Variants in PTCD2 observed in about 807,000 individuals in gnomAD.
PTCD2 encodes pentatricopeptide repeat domain 2, also known as pentatricopeptide repeat-containing protein 2, mitochondrial.
Under a neutral mutation model 42.6 loss-of-function variants are expected in PTCD2, and 31 were observed. The observed-to-expected ratio is 0.73, with a 90% CI of 0.55 to 0.98. The LOEUF (loss-of-function observed/expected upper bound fraction) is 0.98. Ranked by LOEUF, PTCD2 falls within the 50% of genes least tolerant of loss-of-function variation. PTCD2 has a pLI of 0.00. For synonymous variants in PTCD2, 183 were observed against 170.9 expected, an observed-to-expected ratio of 1.07 and a Z score of -0.55; for missense variants, 476 against 454.8, an observed-to-expected ratio of 1.05 and a Z score of -0.42.
rs201569667 is a variant in PTCD2, at chr5:72,367,949, C to G, written c.*9522C>G. 2 of 152,218 alleles carry G rather than the reference C, an allele frequency of 1.3e-5. No individual in the cohort carries two copies. The highest frequency in any genetic ancestry group is 3.8e-4 in the East Asian group (2 of 5,196). The allele number at this position is 152,218 out of a possible 1,614,324, so 9.4% of individuals were successfully genotyped here. ...TGAGTGGCTCTGGGCTCCTATACCC[C>G]TTTCATTCCACAGCCTGTGATACAC... On this transcript the variant is annotated 3_prime_UTR_variant, in exon 10 of 10. Coordinates refer to ENST00000380639, the MANE Select transcript of PTCD2 (RefSeq NM_024754.5).
At chr5:72,322,997 A>T (rs980837246) in intron 2 of PTCD2, among the ~76,000 whole-genome samples, 1 of 152,068 alleles carries the variant, frequency 6.6e-6, no homozygotes, top group Admixed American at 6.6e-5. Context: ...AAATTTTTTT[A>T]AAGTTAGTTG....
intron 8 of PTCD2, among the ~76,000 whole-genome samples, chr5:72,343,541 A>G (rs984226998): frequency 1.3e-5 from 2 of 152,154 alleles, no homozygotes; most frequent in African/African-American, 4.8e-5. Context: ...CATTCTTATT[A>G]TGTTGCCAGT....
chr5:72,356,210 C>G (rs1372630491), intron 9 of PTCD2, among the ~76,000 whole-genome samples: 1 of 152,226 alleles, frequency 6.6e-6, no homozygotes, highest in Admixed American at 6.5e-5. Context: ...TCCATTTTCT[C>G]AGCAGCATTG....
chr5:72,351,916 T>C (rs1752641492), intron 8 of PTCD2, among the ~76,000 whole-genome samples: 1 of 152,180 alleles, frequency 6.6e-6, no homozygotes, highest in South Asian at 2.1e-4. Context: ...TTTTTGTTCA[T>C]TGAGTATCTT....
At chr5:72,328,002 AT>A (rs1263389376) in intron 3 of PTCD2, among the ~76,000 whole-genome samples, 1 of 152,242 alleles carries the variant, frequency 6.6e-6, no homozygotes, top group Non-Finnish European at 1.5e-5. Context: ...CATGAAAAAA[AT>A]GTCTTTTTTT....
At chr5:72,340,955 T>C (rs1014328436) in intron 7 of PTCD2, among the ~76,000 whole-genome samples, 2 of 131,500 alleles carry the variant, frequency 1.5e-5, no homozygotes, top group Admixed American at 1.5e-4. Flanking sequence ...GCCAGTTATT[T>C]TCTTTTCTTT....
chr5:72,327,436 T>C (rs2112133518), intron 3 of PTCD2, among the ~76,000 whole-genome samples: 1 of 152,262 alleles, frequency 6.6e-6, no homozygotes, highest in East Asian at 1.9e-4. Context: ...ATTTCTGAAA[T>C]TAAATTCATT....
At chr5:72,341,892 A>C (rs1045764967) in intron 7 of PTCD2, among the ~76,000 whole-genome samples, 2 of 151,812 alleles carry the variant, frequency 1.3e-5, no homozygotes, top group East Asian at 3.9e-4. Context: ...AATACAAAAA[A>C]AAATTATCCA....
At chr5:72,341,541 A>G (rs184064681) in intron 7 of PTCD2, among the ~76,000 whole-genome samples, 55 of 152,020 alleles carry the variant, frequency 3.6e-4, no homozygotes, top group Non-Finnish European at 7.4e-5. Flanking sequence ...GAGACCAGCC[A>G]AGACAACATA....
At chr5:72,352,979 C>T (rs1580187922) in intron 9 of PTCD2, among the ~76,000 whole-genome samples, 1 of 152,052 alleles carries the variant, frequency 6.6e-6, no homozygotes, top group East Asian at 1.9e-4. Flanking sequence ...TTACCTTATT[C>T]TTTTCTCCAC....
Position 72,333,724 on chromosome 5 carries a change from T to A in PTCD2, c.469-1294T>A, listed in dbSNP as rs1370098667. On this transcript the variant is annotated intron_variant, in intron 4 of 9. Coordinates refer to ENST00000380639, the MANE Select transcript of PTCD2 (RefSeq NM_024754.5). ...TAGTTAATGACAATGTATTGTATTC[T>A]TCAAAATTGCCTAAAGAATAGGTTT... is the stretch of plus-strand genomic sequence containing the variant. Among the ~76,000 whole-genome samples the A allele has an allele frequency of 9.2e-5, 14 of 152,246 alleles. 1 individual carries two copies. The highest frequency in any genetic ancestry group is 9.2e-4 in the Admixed American group (14 of 15,288).
chr5:72,345,355 G>A (rs529245656), intron 8 of PTCD2, among the ~76,000 whole-genome samples: 1 of 152,206 alleles, frequency 6.6e-6, no homozygotes, highest in Non-Finnish European at 1.5e-5. Context: ...TTTTTTCAAG[G>A]TGCCCACATT....
In PTCD2 at chr5:72,335,043, C is replaced by T. The variant is rs1301053074; in HGVS notation, c.494C>T (p.Ser165Phe). 1 of 1,595,646 alleles carries T rather than the reference C, an allele frequency of 6.3e-7. No homozygotes were observed. The highest frequency in any genetic ancestry group is 8.6e-7 in the Non-Finnish European group (1 of 1,163,796). The change falls in exon 5 of 10, where the codon TCC becomes TTC. Residue 165 changes from serine to phenylalanine, a missense_variant. Coordinates refer to ENST00000380639, the MANE Select transcript of PTCD2 (RefSeq NM_024754.5). ...DQHLRGFFSDSTSFNILMDML... is the reference protein window; with the variant it reads ...DQHLRGFFSDFTSFNILMDML... Reference sequence around the variant, plus strand: ...CATTTACGAGGTTTCTTCTCAGACTCCACATCATTCAATATTTTGATGGAT... The same window carrying T: ...CATTTACGAGGTTTCTTCTCAGACTTCACATCATTCAATATTTTGATGGAT...
At chr5:72,334,763 C>T (rs1012453036) in intron 4 of PTCD2, among the ~76,000 whole-genome samples, 1 of 152,044 alleles carries the variant, frequency 6.6e-6, no homozygotes, top group Non-Finnish European at 1.5e-5. Context: ...GTTGGCCAGG[C>T]TGGTCTTGAA....
rs947630394 is a variant in PTCD2 at position 72,359,504 on chromosome 5, T to A, written c.*1077T>A. The A allele has an allele frequency of 2.5e-4, 38 of 152,206 alleles. No homozygotes were observed. Among genetic ancestry groups the A allele is most frequent in the African/African-American group, 8.9e-4 (37 of 41,456 alleles). The allele number at this position is 152,206 out of a possible 1,614,324, so 9.4% of individuals were successfully genotyped here. A position where few individuals can be genotyped will look rare whatever the true frequency, so the allele number is the denominator to read the frequency against. The stretch of plus-strand genomic sequence containing the variant: ...TCATTGCCACCTCCAAAACTAAGAC[T>A]GTTCACTTGGTTGTTGTTCTAAGGC... On this transcript the variant is annotated 3_prime_UTR_variant, in exon 10 of 10. Transcript: ENST00000380639.
At chr5:72,341,914 G>A (rs1186513812) in intron 7 of PTCD2, among the ~76,000 whole-genome samples, 4 of 151,488 alleles carry the variant, frequency 2.6e-5, no homozygotes, top group South Asian at 4.2e-4. Context: ...GCATGGTGGC[G>A]GGCTCCTGTA....
chr5:72,328,466 G>A (rs1751258681), intron 3 of PTCD2, among the ~76,000 whole-genome samples: 1 of 152,226 alleles, frequency 6.6e-6, no homozygotes, highest in Admixed American at 6.5e-5. Flanking sequence ...GTTAAGGCAA[G>A]TTGCCTGGCC....
At chr5:72,356,758 A>T (rs1752893774) in intron 9 of PTCD2, among the ~76,000 whole-genome samples, 1 of 152,224 alleles carries the variant, frequency 6.6e-6, no homozygotes, top group African/African-American at 2.4e-5. Flanking sequence ...CTTGAACATG[A>T]GGACTAAACA....
chr5:72,322,207 T>G lies in PTCD2; in HGVS notation c.163T>G (p.Leu55Val). ...CCTACTTACAGATAATGTGGTGAAATTAAAAGAATTTCAACAAAAGAAAGT... is the reference window on the plus strand; with the variant it reads ...CCTACTTACAGATAATGTGGTGAAAGTAAAAGAATTTCAACAAAAGAAAGT... ...RYLLTDNVVK[L>V]KEFQQKKVAV... Residue 55 changes from leucine to valine, a missense_variant, in exon 2 of 10, where the codon TTA becomes GTA. Leu to Val is a conservative substitution (Grantham distance 32, BLOSUM62 1). Transcript: ENST00000380639. 5 of 1,601,898 alleles carry G rather than the reference T, an allele frequency of 3.1e-6. No individual in the cohort carries two copies. The highest frequency in any genetic ancestry group is 4.3e-6 in the Non-Finnish European group (5 of 1,169,422).
Sources: gnomAD v4.1 joint callset for allele counts (sites outside exome capture counted in the v4.1 genomes callset) on GRCh38, gnomAD v4.1.1 for gene constraint, MANE v1.5 for transcripts, NCBI Gene and HGNC (gene_info 2026-07-23, HGNC 2026-07-21) for gene names.